MAP2: variants seen among roughly 807,000 people sequenced by gnomAD.
The protein encoded by MAP2 is microtubule associated protein 2, also known as microtubule-associated protein 2.
A neutral mutation model predicts 137.6 loss-of-function variants in MAP2; 14 were observed. The ratio of observed to expected loss-of-function variants is 0.10; its 90% CI spans 0.07 to 0.16. MAP2 has a LOEUF of 0.16. Ranked by LOEUF, MAP2 falls within the 10% of genes least tolerant of loss-of-function variation. The probability of loss-of-function intolerance (pLI) is 1.00; values close to 1 mark genes in which losing one functional copy is unlikely to be tolerated. For synonymous variants in MAP2, 786 were observed against 782.3 expected, an observed-to-expected ratio of 1.00 and a Z score of -0.08; for missense variants, 2,088 against 2,191.5, an observed-to-expected ratio of 0.95 and a Z score of 0.94.
At chr2:209,672,773 A>T (rs1054223472) in intron 5 of MAP2, among the ~76,000 whole-genome samples, 4 of 151,908 alleles carry the variant, frequency 2.6e-5, no homozygotes, top group Admixed American at 6.6e-5. Context: ...CTACTGTAAC[A>T]ACTTGTTATA....
At chr2:209,511,012 G>A (rs2061658640) in intron 2 of MAP2, among the ~76,000 whole-genome samples, 1 of 152,088 alleles carries the variant, frequency 6.6e-6, no homozygotes, top group Non-Finnish European at 1.5e-5. Flanking sequence ...CAAGTGACAT[G>A]AGGTGCAGTA....
At chr2:209,696,837 AT>A in intron 9 of MAP2, 79 bp from the exon 10 acceptor site, 1 of 1,538,918 alleles carries the variant, frequency 6.5e-7, no homozygotes, top group Non-Finnish European at 8.8e-7. Context: ...GTAACTAATT[AT>A]TTATAAAATT....
At chr2:209,477,834 C>T (rs1468643518) in intron 1 of MAP2, among the ~76,000 whole-genome samples, 1 of 145,586 alleles carries the variant, frequency 6.9e-6, no homozygotes, top group East Asian at 2.0e-4. Context: ...CTCCTCTATA[C>T]AAAATATTAA....
At chr2:209,522,352 A>G (rs534558429) in intron 2 of MAP2, among the ~76,000 whole-genome samples, 9 of 152,286 alleles carry the variant, frequency 5.9e-5, no homozygotes, top group African/African-American at 2.2e-4. Context: ...CTAGAGTATC[A>G]TAGATGCAGG....
intron 1 of MAP2, among the ~76,000 whole-genome samples, chr2:209,502,784 G>A (rs562256482): frequency 2.0e-5 from 3 of 152,154 alleles, no homozygotes; most frequent in Middle Eastern, 3.4e-3. Context: ...ATACTAACAG[G>A]TGTGAGATAG....
At position 209,444,970 on chromosome 2, in the gene MAP2, A is replaced by T. The variant is rs116267028; in HGVS notation, c.-222+20694A>T. ...TGTTACCATCACTACTCTTACAGAC[A>T]TGGTTTTTTTTGTTTGTTTGAATGC... On this transcript the variant is annotated intron_variant, in intron 1 of 15. Coordinates refer to ENST00000682079, the MANE Select transcript of MAP2 (RefSeq NM_001375505.1). 3.3e-5 allele frequency among the ~76,000 whole-genome samples: 5 copies of T among 151,456 alleles called. No individual in the cohort carries two copies. The East Asian group carries it at 9.7e-4, about 29-fold the overall frequency.
At chr2:209,512,556 T>C (rs907789159) in intron 2 of MAP2, among the ~76,000 whole-genome samples, 7 of 144,852 alleles carry the variant, frequency 4.8e-5, no homozygotes, top group Admixed American at 6.9e-5. Flanking sequence ...CCAGAAGTTA[T>C]ACACACACAC....
intron 7 of MAP2, among the ~76,000 whole-genome samples, chr2:209,687,368 A>T (rs1054413700): frequency 3.9e-5 from 6 of 151,954 alleles, no homozygotes; most frequent in Non-Finnish European, 7.4e-5. Flanking sequence ...CAAAGAATGC[A>T]TTTGTTTTGT....
intron 1 of MAP2, among the ~76,000 whole-genome samples, chr2:209,487,268 C>T (rs977782247): frequency 2.0e-5 from 3 of 152,074 alleles, no homozygotes; most frequent in East Asian, 1.9e-4. Flanking sequence ...TGGAATGCTC[C>T]GTTTTCGCTT....
intron 3 of MAP2, among the ~76,000 whole-genome samples, chr2:209,581,123 T>G (rs770475713): frequency 6.6e-6 from 1 of 152,176 alleles, no homozygotes; most frequent in Non-Finnish European, 1.5e-5. Flanking sequence ...CCTGTGAGTG[T>G]GAATATTTGT....
At chr2:209,711,835 T>G (rs1180183336) in intron 13 of MAP2, among the ~76,000 whole-genome samples, 2 of 152,280 alleles carry the variant, frequency 1.3e-5, no homozygotes, top group African/African-American at 4.8e-5. Context: ...CTATTATGTA[T>G]ATTTAAAAAT....
chr2:209,430,896 G>T (rs2149278868), intron 1 of MAP2, among the ~76,000 whole-genome samples: 1 of 152,214 alleles, frequency 6.6e-6, no homozygotes, highest in African/African-American at 2.4e-5. Flanking sequence ...TATGATCTAG[G>T]ACTTATTTAA....
At chr2:209,446,240 T>C (rs1439140693) in intron 1 of MAP2, among the ~76,000 whole-genome samples, 1 of 151,858 alleles carries the variant, frequency 6.6e-6, no homozygotes, top group African/African-American at 2.4e-5. Flanking sequence ...TGGCTTATCA[T>C]ACCTGGTTTC....
At chr2:209,664,272 G>A (rs1473012542) in intron 5 of MAP2, among the ~76,000 whole-genome samples, 1 of 152,226 alleles carries the variant, frequency 6.6e-6, no homozygotes, top group Non-Finnish European at 1.5e-5. Context: ...AGAGAGGGCT[G>A]GGCATGGTGG....
chr2:209,572,791 G>A (rs533516837), intron 2 of MAP2, among the ~76,000 whole-genome samples: 1 of 152,248 alleles, frequency 6.6e-6, no homozygotes, highest in Admixed American at 6.5e-5. Context: ...TTCGTTGATG[G>A]TGTATAGTTA....
intron 4 of MAP2, among the ~76,000 whole-genome samples, chr2:209,633,134 A>G (rs542497059): frequency 6.6e-6 from 1 of 152,098 alleles, no homozygotes; most frequent in East Asian, 1.9e-4. Context: ...CCTCAATTTA[A>G]TTATTTATTT....
chr2:209,553,019 T>G (rs2069564786), intron 2 of MAP2, among the ~76,000 whole-genome samples: 1 of 140,640 alleles, frequency 7.1e-6, no homozygotes, highest in African/African-American at 2.9e-5. Flanking sequence ...TTTGTTGTTG[T>G]TTTTTTTTTT....
chr2:209,633,212 G>A (rs1238356543), intron 4 of MAP2, among the ~76,000 whole-genome samples: 1 of 152,034 alleles, frequency 6.6e-6, no homozygotes, highest in Non-Finnish European at 1.5e-5. Flanking sequence ...CTAAATACCC[G>A]TGTTCCCCTT....
At chr2:209,531,906 T>C (rs149592984) in intron 2 of MAP2, among the ~76,000 whole-genome samples, 279 of 152,218 alleles carry the variant, frequency 1.8e-3, no homozygotes, top group African/African-American at 6.4e-3. Flanking sequence ...AATACTATAA[T>C]ATAAATGTTG....
Sources: allele counts gnomAD v4.1 joint callset (sites outside exome capture counted in the v4.1 genomes callset), GRCh38; gene constraint gnomAD v4.1.1; transcripts MANE v1.5; gene names NCBI Gene and HGNC (gene_info 2026-07-23, HGNC 2026-07-21).